Variants in SLC8A1 observed in about 807,000 individuals in gnomAD.
The protein encoded by SLC8A1 is sodium/calcium exchanger 1.
SLC8A1 carries 18 observed loss-of-function variants against 68.3 expected under a neutral mutation model. That is an observed-to-expected ratio of 0.26 (90% confidence interval 0.18 to 0.39). The LOEUF is 0.39. SLC8A1 is among the 10% of genes least tolerant of loss of function. The probability of loss-of-function intolerance (pLI) is 1.00; values close to 1 mark genes in which losing one functional copy is unlikely to be tolerated. For missense variants in SLC8A1, 985 were observed against 1,156.7 expected (o/e 0.85, Z 2.15); for synonymous variants, 475 against 415.5 (o/e 1.14, Z -1.74).
intron 2 of SLC8A1, among the ~76,000 whole-genome samples, chr2:40,400,331 G>A (rs542595954): frequency 6.6e-6 from 1 of 152,038 alleles, no homozygotes; most frequent in South Asian, 2.1e-4. Flanking sequence ...AAAGATCCTA[G>A]AACCGAAAGA....
chr2:40,264,471 C>T (rs1293054273), intron 2 of SLC8A1, among the ~76,000 whole-genome samples: 1 of 152,004 alleles, frequency 6.6e-6, no homozygotes, highest in Non-Finnish European at 1.5e-5. Flanking sequence ...CAATGATAGA[C>T]TGGATTAAGA....
At chr2:40,417,692 T>G (rs1165315139) in intron 2 of SLC8A1, among the ~76,000 whole-genome samples, 1 of 152,138 alleles carries the variant, frequency 6.6e-6, no homozygotes, top group Non-Finnish European at 1.5e-5. Context: ...AAACCCAGGC[T>G]AGTATGGCCC....
At chr2:40,232,370 G>A (rs1298957600) in intron 2 of SLC8A1, among the ~76,000 whole-genome samples, 1 of 150,692 alleles carries the variant, frequency 6.6e-6, no homozygotes, top group Non-Finnish European at 1.5e-5. Flanking sequence ...AAGAGAGATG[G>A]GGCATGTGAA....
At chr2:40,311,458 G>A (rs909129830) in intron 2 of SLC8A1, among the ~76,000 whole-genome samples, 2 of 151,964 alleles carry the variant, frequency 1.3e-5, no homozygotes, top group African/African-American at 4.8e-5. Context: ...GAAAATCGAA[G>A]GCATTAATAT....
chr2:40,409,032 T>A (rs1286159538), intron 2 of SLC8A1, among the ~76,000 whole-genome samples: 3 of 152,164 alleles, frequency 2.0e-5, no homozygotes, highest in African/African-American at 7.2e-5. Context: ...TGATTATATG[T>A]AAATATTGTT....
At chr2:40,369,608 G>A (rs1454609133) in intron 2 of SLC8A1, among the ~76,000 whole-genome samples, 1 of 152,080 alleles carries the variant, frequency 6.6e-6, no homozygotes, top group Non-Finnish European at 1.5e-5. Context: ...GGATTAGCCA[G>A]CTCTAATGTC....
chr2:40,276,635 G>T (rs1441424347), intron 2 of SLC8A1, among the ~76,000 whole-genome samples: 1 of 152,166 alleles, frequency 6.6e-6, no homozygotes, highest in Non-Finnish European at 1.5e-5. Flanking sequence ...ATTAAGGGAG[G>T]TTGCAGTCAA....
At chr2:40,200,524 C>T (rs1338463819) in intron 2 of SLC8A1, among the ~76,000 whole-genome samples, 1 of 150,924 alleles carries the variant, frequency 6.6e-6, no homozygotes, top group Non-Finnish European at 1.5e-5. Flanking sequence ...GGGCTCAGCA[C>T]ATGTAAACCA....
At chr2:40,417,834 A>C (rs946965726) in intron 2 of SLC8A1, among the ~76,000 whole-genome samples, 11 of 151,904 alleles carry the variant, frequency 7.2e-5, no homozygotes, top group African/African-American at 2.4e-4. Context: ...TAAAATGAAG[A>C]TAGCTGGAGT....
At chr2:40,258,777 G>A (rs943488486) in intron 2 of SLC8A1, among the ~76,000 whole-genome samples, 3 of 152,056 alleles carry the variant, frequency 2.0e-5, no homozygotes, top group African/African-American at 7.2e-5. Flanking sequence ...TGGAGGCAGA[G>A]GTTGCAGTGA....
intron 2 of SLC8A1, among the ~76,000 whole-genome samples, chr2:40,364,402 T>G (rs1260295279): frequency 6.6e-6 from 1 of 151,730 alleles, no homozygotes; most frequent in Non-Finnish European, 1.5e-5. Flanking sequence ...ACTTTATTGA[T>G]TCATTAAAAA....
At chr2:40,336,230 T>C (rs116606421) in intron 2 of SLC8A1, among the ~76,000 whole-genome samples, 3,930 of 152,318 alleles carry the variant, frequency 0.026, 162 homozygotes, top group African/African-American at 0.09. Flanking sequence ...AACTATCATA[T>C]TGCATTGTAA....
intron 2 of SLC8A1, among the ~76,000 whole-genome samples, chr2:40,402,575 C>A (rs1213796055): frequency 3.3e-5 from 5 of 152,194 alleles, no homozygotes; most frequent in African/African-American, 7.2e-5. Flanking sequence ...AGTAACACAA[C>A]TGTAGGCTTT....
chr2:40,118,295 T>G (rs2035945619), intron 7 of SLC8A1: 1 of 152,234 alleles, frequency 6.6e-6, no homozygotes, highest in African/African-American at 2.4e-5. Flanking sequence ...AAGCCTGAAG[T>G]TTGTCTTTCC....
At chr2:40,171,969 G>A (rs1350014827) in intron 4 of SLC8A1, among the ~76,000 whole-genome samples, 2 of 152,168 alleles carry the variant, frequency 1.3e-5, no homozygotes, top group Admixed American at 1.3e-4. Context: ...TTAGGCTGTG[G>A]ATCAGACGAT....
intron 2 of SLC8A1, among the ~76,000 whole-genome samples, chr2:40,386,680 TA>T (rs1166387776): frequency 8.0e-5 from 12 of 150,206 alleles, no homozygotes; most frequent in Non-Finnish European, 4.4e-5. Context: ...TATTAATAAA[TA>T]ATTGTAGGAA....
intron 7 of SLC8A1, among the ~76,000 whole-genome samples, chr2:40,132,395 G>C (rs1210109269): frequency 6.6e-6 from 1 of 151,778 alleles, no homozygotes; most frequent in Non-Finnish European, 1.5e-5. Flanking sequence ...AGTGATTTTA[G>C]ACAGGGCCAC....
chr2:40,162,556 A>T (rs1434317826), intron 5 of SLC8A1, among the ~76,000 whole-genome samples: 1 of 152,064 alleles, frequency 6.6e-6, no homozygotes, highest in African/African-American at 2.4e-5. Context: ...TGTAAAACTC[A>T]GGGTAGATTT....
chr2:40,202,520 GA>G (rs1478702956), intron 2 of SLC8A1, among the ~76,000 whole-genome samples: 2 of 151,996 alleles, frequency 1.3e-5, no homozygotes, highest in African/African-American at 4.8e-5. Flanking sequence ...TTTCTGAATA[GA>G]AGGGGAAACA....
Sources: allele counts gnomAD v4.1 joint callset (sites outside exome capture counted in the v4.1 genomes callset), GRCh38; gene constraint gnomAD v4.1.1; transcripts MANE v1.5; gene names NCBI Gene and HGNC (gene_info 2026-07-23, HGNC 2026-07-21).